Variants in CUBN observed in about 807,000 individuals in gnomAD.
The protein encoded by CUBN is 460 kDa receptor.
In CUBN, 282 loss-of-function variants were observed where a neutral mutation model predicts 405.3. The ratio of observed to expected loss-of-function variants is 0.70; its 90% CI spans 0.63 to 0.77. CUBN has a LOEUF of 0.77. Ranked by LOEUF, CUBN falls within the 30% of genes least tolerant of loss-of-function variation. The probability of loss-of-function intolerance (pLI) is 0.00; values close to 1 mark genes in which losing one functional copy is unlikely to be tolerated. For synonymous variants in CUBN, 1,684 were observed against 1,617.0 expected, an observed-to-expected ratio of 1.04 and a Z score of -0.99; for missense variants, 4,514 against 4,475.2, an observed-to-expected ratio of 1.01 and a Z score of -0.25.
chr10:17,121,375 G>A (rs982438643), intron 6 of CUBN, among the ~76,000 whole-genome samples: 5 of 152,036 alleles, frequency 3.3e-5, no homozygotes, highest in African/African-American at 1.2e-4. Context: ...ATAAAAAAAT[G>A]ATGAGTTCAT....
In CUBN at chr10:16,869,924, C is replaced by A; in HGVS notation, c.9237-71G>T. The stretch of plus-strand genomic sequence containing the variant: ...TATTAAATTGTAGCTTTAGCTCTTG[C>A]AAAAAAAATGACAAGGAAAAAACTA... On this transcript the variant is annotated intron_variant, in intron 58 of 66. Transcript: ENST00000377833. 6.2e-6 allele frequency: 7 copies of A among 1,136,730 alleles called. No homozygotes were observed. In the Admixed American group the frequency reaches 8.2e-5, roughly 13 times the overall value. The allele number at this position is 1,136,730 out of a possible 1,614,324, so 70.4% of individuals were successfully genotyped here. A position where few individuals can be genotyped will look rare whatever the true frequency, so the allele number is the denominator to read the frequency against.
At position 17,109,559 on chromosome 10, in the gene CUBN, G is replaced by A. The variant is rs191529564; in HGVS notation, c.1111+81C>T. ...TCAAAATAACAATTTTGAGAACAGA[G>A]GATTTTGTGTTTAAGATGTTGAATT... On this transcript the variant is annotated intron_variant, in intron 10 of 66. Transcript: ENST00000377833. 125 of 1,142,410 alleles carry A rather than the reference G, an allele frequency of 1.1e-4. No homozygotes were observed. The East Asian group carries it at 2.7e-3, about 25-fold the overall frequency. The allele number at this position is 1,142,410 out of a possible 1,614,324, so 70.8% of individuals were successfully genotyped here.
In CUBN at chr10:16,933,104, C is replaced by T; in HGVS notation, c.6107G>A (p.Ser2036Asn). The change falls in exon 40 of 67, where the codon AGC (serine) becomes AAC (asparagine). Residue 2036 changes from serine to asparagine, a missense_variant. Physicochemically the swap from Ser to Asn is conservative, Grantham distance 46. Transcript: ENST00000377833. ...GTTCTCACCATCTCGTATCACAAGGCTATCATAGGCACACGTTCGGTGAGA... is the reference window on the plus strand; with the variant it reads ...GTTCTCACCATCTCGTATCACAAGGTTATCATAGGCACACGTTCGGTGAGA... ...IESHRTCAYD[S>N]LVIRDGDNNL... is the part of the protein sequence containing the mutation. The T allele has an allele frequency of 6.2e-7, 1 of 1,614,002 alleles. No homozygotes were observed. The highest frequency in any genetic ancestry group is 8.5e-7 in the Non-Finnish European group (1 of 1,179,970).
rs983695205 is a variant in CUBN at position 16,889,907 on chromosome 10, A to G, written c.8755+464T>C. ...AGCCGAGATTGCACCACTGCACTCCAGCCTGGCGACAGAGTGAGACGCCGT... is the reference window on the plus strand; with the variant it reads ...AGCCGAGATTGCACCACTGCACTCCGGCCTGGCGACAGAGTGAGACGCCGT... On this transcript the variant is annotated intron_variant, in intron 55 of 66. Coordinates refer to ENST00000377833, the MANE Select transcript of CUBN (RefSeq NM_001081.4). Among the ~76,000 whole-genome samples, 25 of 133,102 alleles carry G rather than the reference A, an allele frequency of 1.9e-4. No homozygotes were observed. The Admixed American group carries it at 1.9e-3, about 10-fold the overall frequency. The allele number at this position is 133,102 out of a possible 152,430, so 87.3% of individuals were successfully genotyped here.
chr10:17,003,368 A>T (rs1833940570), intron 28 of CUBN, among the ~76,000 whole-genome samples: 1 of 152,198 alleles, frequency 6.6e-6, no homozygotes, highest in Admixed American at 6.5e-5. Context: ...TGTGATTCAC[A>T]GCCCAGCCCT....
chr10:17,092,653 G>A (rs1183277217), intron 14 of CUBN, among the ~76,000 whole-genome samples: 1 of 152,114 alleles, frequency 6.6e-6, no homozygotes, highest in African/African-American at 2.4e-5. Context: ...ACTCCTACCA[G>A]TGCCATGACA....
At chr10:17,017,074 A>G (rs748493825) in intron 28 of CUBN, among the ~76,000 whole-genome samples, 37 of 152,158 alleles carry the variant, frequency 2.4e-4, no homozygotes, top group African/African-American at 7.2e-5. Context: ...ATTGGTCCCA[A>G]TGGCTTAGGA....
In CUBN at chr10:16,840,331, T is replaced by C. The variant is rs1302627029; in HGVS notation, c.10031A>G (p.Gln3344Arg). Residue 3344 changes from glutamine (Q) to arginine (R), a missense_variant and splice_region_variant, in exon 62 of 67, where the codon CAG becomes CGG. Gln to Arg is a conservative substitution (Grantham distance 43, BLOSUM62 1). This residue lies in a region of CUBN where 1,186 missense variants were observed against 1,186.9 expected (regional missense o/e 1.00). Transcript: ENST00000377833. ...TGCCATTCATCTTATAATTGTTACCTGCGGTGAGTCCTGAAGCTGTAAGTA... is the reference window on the plus strand; with the variant it reads ...TGCCATTCATCTTATAATTGTTACCCGCGGTGAGTCCTGAAGCTGTAAGTA... ...QNYLQLQDSP[Q>R]GHGNSRFQFC... 2.5e-6 allele frequency: 4 copies of C among 1,613,600 alleles called. No homozygotes were observed. The highest frequency in any genetic ancestry group is 3.4e-6 in the Non-Finnish European group (4 of 1,179,574).
intron 35 of CUBN, among the ~76,000 whole-genome samples, chr10:16,948,231 G>A (rs902627214): frequency 2.0e-5 from 3 of 152,106 alleles, no homozygotes; most frequent in Non-Finnish European, 4.4e-5. Flanking sequence ...AGAACACCAA[G>A]TCATCTGATA....
Position 16,840,363 on chromosome 10 carries a change from C to T in CUBN, c.9999G>A (p.Thr3333=), listed in dbSNP as rs374885106. The T allele has an allele frequency of 1.6e-5, 26 of 1,614,004 alleles. No homozygotes were observed. The highest frequency in any genetic ancestry group is 2.2e-5 in the East Asian group (1 of 44,908). ...AGTCCTGAAGCTGTAAGTAATTCTG[C>T]GTGCAGTCTTGCGAGGTCAGCTGTA... ...WALQLTSQDC[T]QNYLQLQDSP... is the part of the protein sequence containing the mutation. The change falls in exon 62 of 67, where the codon ACG becomes ACA. Residue 3333 remains threonine, a synonymous_variant. Coordinates refer to ENST00000377833, the MANE Select transcript of CUBN (RefSeq NM_001081.4).
chr10:17,028,473 C>A (rs1436531710), intron 27 of CUBN, among the ~76,000 whole-genome samples: 1 of 151,798 alleles, frequency 6.6e-6, no homozygotes, highest in Non-Finnish European at 1.5e-5. Context: ...GTAATCCCAG[C>A]ACTTTGGGAG....
intron 27 of CUBN, among the ~76,000 whole-genome samples, chr10:17,031,019 A>G (rs1388099370): frequency 6.6e-6 from 1 of 152,210 alleles, no homozygotes; most frequent in Non-Finnish European, 1.5e-5. Flanking sequence ...TTTTAAAATG[A>G]TAGGGACAAT....
chr10:16,854,284 T>C (rs553348016), intron 59 of CUBN, among the ~76,000 whole-genome samples: 34 of 152,292 alleles, frequency 2.2e-4, no homozygotes, highest in African/African-American at 6.5e-4. Context: ...ATAGGGCACA[T>C]GAAGGAGAAT....
At chr10:17,058,119 C>CA (rs1041440207) in intron 22 of CUBN, among the ~76,000 whole-genome samples, 16 of 145,852 alleles carry the variant, frequency 1.1e-4, no homozygotes, top group Non-Finnish European at 1.2e-4. Context: ...GACTCCGTCT[C>CA]AAAAAAAAAA....
intron 10 of CUBN, among the ~76,000 whole-genome samples, chr10:17,107,265 C>G (rs1313779730): frequency 3.9e-5 from 6 of 152,160 alleles, no homozygotes; most frequent in African/African-American, 1.4e-4. Context: ...TTCCAGATTT[C>G]TCACTTAATA....
chr10:16,888,045 A>T (rs1275557531), intron 56 of CUBN, among the ~76,000 whole-genome samples: 2 of 152,152 alleles, frequency 1.3e-5, no homozygotes, highest in African/African-American at 4.8e-5. Context: ...AGAAGCAGAG[A>T]GTAGAATGGT....
rs1403928634 is a variant in CUBN at position 16,824,945 on chromosome 10, A to G, written c.*30T>C. The G allele has an allele frequency of 6.7e-6, 10 of 1,502,198 alleles. No individual in the cohort carries two copies. The highest frequency in any genetic ancestry group is 9.3e-6 in the Non-Finnish European group (10 of 1,078,560). 93.1% of individuals were successfully genotyped at this position (1,502,198 alleles called of 1,614,324 possible). ...GCTGTCCAGCGTGCTGCAGAGGGAA[A>G]GTGCTGAGTGAACACGAGTTGTTAC... On this transcript the variant is annotated 3_prime_UTR_variant, in exon 67 of 67. Coordinates refer to ENST00000377833, the MANE Select transcript of CUBN (RefSeq NM_001081.4).
chr10:17,083,968 C>G (rs892245856), intron 17 of CUBN, among the ~76,000 whole-genome samples: 1 of 152,118 alleles, frequency 6.6e-6, no homozygotes, highest in Non-Finnish European at 1.5e-5. Flanking sequence ...AAGGGTCATT[C>G]AACACTTAAA....
chr10:16,962,939 G>A (rs61841466), intron 31 of CUBN, among the ~76,000 whole-genome samples: 21,275 of 152,090 alleles, frequency 0.14, 1,772 homozygotes, highest in Non-Finnish European at 0.19. Context: ...AAAGGCTTCC[G>A]AAGAATGAGG....
Sources: allele counts gnomAD v4.1 joint callset (sites outside exome capture counted in the v4.1 genomes callset), GRCh38; gene constraint gnomAD v4.1.1; regional missense constraint gnomAD v4.1.1; transcripts MANE v1.5; gene names NCBI Gene and HGNC (gene_info 2026-07-23, HGNC 2026-07-21).